SNRPD3: variants seen among roughly 807,000 people sequenced by gnomAD.
The protein encoded by SNRPD3 is small nuclear ribonucleoprotein D3 polypeptide.
For synonymous variants in SNRPD3, 66 were observed against 58.4 expected, an observed-to-expected ratio of 1.13 and a Z score of -0.59; for missense variants, 73 against 167.5, an observed-to-expected ratio of 0.44 and a Z score of 3.11.
intron 2 of SNRPD3, among the ~76,000 whole-genome samples, chr22:24,567,536 C>A (rs1037837058): frequency 1.2e-4 from 18 of 152,282 alleles, no homozygotes; most frequent in African/African-American, 3.8e-4. Flanking sequence ...CACCTGAGGT[C>A]AGGAGTTCGA....
At position 24,556,006 on chromosome 22, in the gene SNRPD3, T is replaced by C. The variant is rs1041393093; in HGVS notation, c.-84T>C. The C allele has an allele frequency of 4.6e-6, 3 of 648,902 alleles. No individual in the cohort carries two copies. The African/African-American group carries it at 5.5e-5, about 12-fold the overall frequency. 40.2% of individuals were successfully genotyped at this position (648,902 alleles called of 1,614,324 possible). A position where few individuals can be genotyped will look rare whatever the true frequency, so the allele number is the denominator to read the frequency against. ...CTGGGTGTTAGGCCCGCCATTCGCT[T>C]GACTCACGCCTTCGCCGTAGCATCT... On this transcript the variant is annotated 5_prime_UTR_variant, in exon 1 of 4. Coordinates refer to ENST00000215829, the MANE Select transcript of SNRPD3 (RefSeq NM_004175.5).
At chr22:24,561,123 G>T (rs2045139445) in intron 2 of SNRPD3, among the ~76,000 whole-genome samples, 1 of 144,494 alleles carries the variant, frequency 6.9e-6, no homozygotes, top group Non-Finnish European at 1.5e-5. Context: ...CCAGGCTGGG[G>T]TGCAGTGGTT....
intron 2 of SNRPD3, among the ~76,000 whole-genome samples, chr22:24,561,541 C>T (rs892097356): frequency 2.0e-5 from 3 of 152,200 alleles, no homozygotes; most frequent in East Asian, 1.9e-4. Context: ...CAGACTGTGG[C>T]GTAGCTAAAG....
Position 24,572,321 on chromosome 22 carries a change from T to G in SNRPD3, c.*344T>G, listed in dbSNP as rs1018759988. ...AGGTTAAGCCCCAGAAAAGTTCACCTTGGAGAAGCTCCGAGAACACACAGA... is the reference window on the plus strand; with the variant it reads ...AGGTTAAGCCCCAGAAAAGTTCACCGTGGAGAAGCTCCGAGAACACACAGA... On this transcript the variant is annotated 3_prime_UTR_variant, in exon 4 of 4. Coordinates refer to ENST00000215829, the MANE Select transcript of SNRPD3 (RefSeq NM_004175.5). 1 of 593,794 alleles carries G rather than the reference T, an allele frequency of 1.7e-6. No homozygotes were observed. Among genetic ancestry groups the G allele is most frequent in the Admixed American group, 3.0e-5 (1 of 33,146 alleles). The allele number at this position is 593,794 out of a possible 1,614,324, so 36.8% of individuals were successfully genotyped here. A position where few individuals can be genotyped will look rare whatever the true frequency, so the allele number is the denominator to read the frequency against.
At chr22:24,571,821 C>T in intron 3 of SNRPD3, 95 bp from the exon 4 acceptor site, 1 of 1,234,788 alleles carries the variant, frequency 8.1e-7, no homozygotes, top group Non-Finnish European at 1.2e-6. Flanking sequence ...CCCTTCAGAA[C>T]CCTTCTAACT....
chr22:24,558,135 C>T (rs553588176), intron 2 of SNRPD3: 8 of 173,342 alleles, frequency 4.6e-5, no homozygotes, highest in Middle Eastern at 2.5e-3. Context: ...TTTGCCTCCA[C>T]TTGCTTTGCG....
At chr22:24,563,228 G>A (rs4822510) in intron 2 of SNRPD3, among the ~76,000 whole-genome samples, 56 of 136,326 alleles carry the variant, frequency 4.1e-4, no homozygotes, top group East Asian at 8.2e-4. Context: ...GTGTGTGTGT[G>A]TGTGTGTGTG....
At chr22:24,563,046 T>C (rs1456129995) in intron 2 of SNRPD3, among the ~76,000 whole-genome samples, 1 of 152,166 alleles carries the variant, frequency 6.6e-6, no homozygotes, top group Non-Finnish European at 1.5e-5. Context: ...AGTATCCTGT[T>C]ATCTTAGCAC....
intron 2 of SNRPD3, among the ~76,000 whole-genome samples, chr22:24,560,091 T>TTTTTC (rs2045118705): frequency 1.4e-3 from 1 of 708 alleles, no homozygotes; most frequent in African/African-American, 1.9e-3. Flanking sequence ...TTATAAAGAA[T>TTTTTC]TTTTTTTTTT....
At chr22:24,561,882 C>T (rs1324174954) in intron 2 of SNRPD3, among the ~76,000 whole-genome samples, 2 of 113,296 alleles carry the variant, frequency 1.8e-5, no homozygotes, top group African/African-American at 6.4e-5. Flanking sequence ...GCCTGTAGTC[C>T]CAGCCATTCA....
rs1249964210 is a variant in SNRPD3 at position 24,573,721 on chromosome 22, CA to C, written c.*1750del. Among the ~76,000 whole-genome samples the C allele has an allele frequency of 6.6e-6, 1 of 152,174 alleles. No homozygotes were observed. Among genetic ancestry groups the C allele is most frequent in the Non-Finnish European group, 1.5e-5 (1 of 68,046 alleles). ...TTTGTTAACCAAGACCGCATCTCTA[CA>C]AAAAATTGAAAAGTAGCTGGGCACA... On this transcript the variant is annotated 3_prime_UTR_variant, in exon 4 of 4. Transcript: ENST00000215829.
intron 2 of SNRPD3, among the ~76,000 whole-genome samples, chr22:24,567,395 C>G (rs575743608): frequency 1.3e-5 from 2 of 152,200 alleles, no homozygotes; most frequent in Non-Finnish European, 2.9e-5. Flanking sequence ...ATCTGGAGTT[C>G]CCTGCATTCC....
chr22:24,560,060 T>A (rs1002557524), intron 2 of SNRPD3, among the ~76,000 whole-genome samples: 1 of 146,428 alleles, frequency 6.8e-6, no homozygotes, highest in African/African-American at 2.5e-5. Flanking sequence ...CTCTAATGAC[T>A]TCATCTTAAC....
At chr22:24,569,104 ACTCGAGTGTGAGGG>A (rs1415349633) in intron 3 of SNRPD3, among the ~76,000 whole-genome samples, 11 of 151,998 alleles carry the variant, frequency 7.2e-5, no homozygotes, top group African/African-American at 2.2e-4. Flanking sequence ...AGATGAGCTG[ACTCGAGTGTGAGGG>A]CAGCATTTCC....
At chr22:24,560,885 G>A (rs910619485) in intron 2 of SNRPD3, among the ~76,000 whole-genome samples, 5 of 149,980 alleles carry the variant, frequency 3.3e-5, no homozygotes, top group South Asian at 2.1e-4. Flanking sequence ...ATGGGCCACC[G>A]TACCCCACTA....
intron 2 of SNRPD3, among the ~76,000 whole-genome samples, chr22:24,566,308 G>T (rs2045196193): frequency 6.6e-6 from 1 of 152,140 alleles, no homozygotes; most frequent in Non-Finnish European, 1.5e-5. Context: ...ATCTTGCTCT[G>T]TGGCCCAGGC....
chr22:24,558,989 A>G (rs1436537160), intron 2 of SNRPD3, among the ~76,000 whole-genome samples: 2 of 152,192 alleles, frequency 1.3e-5, no homozygotes, highest in Non-Finnish European at 2.9e-5. Flanking sequence ...CAGGGGTAAT[A>G]TCCACACCCC....
chr22:24,572,902 C>T lies in SNRPD3; in HGVS notation c.*925C>T, dbSNP rs1347831659. 3 of 152,244 alleles carry T rather than the reference C, an allele frequency of 2.0e-5. No homozygotes were observed. The allele number at this position is 152,244 out of a possible 1,614,324, so 9.4% of individuals were successfully genotyped here. A position where few individuals can be genotyped will look rare whatever the true frequency, so the allele number is the denominator to read the frequency against. Reference sequence around the variant, plus strand: ...GCATCTCAGCATTGATTGGCACATCCATAGTTGTTAATGTAGGAAGGGTGA... The same window carrying T: ...GCATCTCAGCATTGATTGGCACATCTATAGTTGTTAATGTAGGAAGGGTGA... On this transcript the variant is annotated 3_prime_UTR_variant, in exon 4 of 4. Transcript: ENST00000215829.
chr22:24,570,246 A>G (rs952840952), intron 3 of SNRPD3, among the ~76,000 whole-genome samples: 8 of 152,256 alleles, frequency 5.3e-5, no homozygotes, highest in African/African-American at 1.9e-4. Context: ...AAAGGAGGGC[A>G]GGAGAAGTTT....
Sources: gnomAD v4.1 joint callset for allele counts (sites outside exome capture counted in the v4.1 genomes callset) on GRCh38, gnomAD v4.1.1 for gene constraint, MANE v1.5 for transcripts, NCBI Gene and HGNC (gene_info 2026-07-23, HGNC 2026-07-21) for gene names.